The following GOLGA8A variants were observed in gnomAD, a reference collection of about 807,000 sequenced individuals.
GOLGA8A encodes golgin A8 family member A.
Under a neutral mutation model 22.1 loss-of-function variants are expected in GOLGA8A, and 3 were observed. That is an observed-to-expected ratio of 0.14 (90% CI 0.06 to 0.35). The LOEUF (loss-of-function observed/expected upper bound fraction) is 0.35, where lower values mean the gene tolerates loss of function less well. Ranked by LOEUF, GOLGA8A falls within the 10% of genes least tolerant of loss-of-function variation. The pLI is 1.00. For missense variants in GOLGA8A, 16 were observed against 233.2 expected (o/e 0.07, Z 6.07); for synonymous variants, 7 against 91.7 (o/e 0.08, Z 5.28).
intron 2 of GOLGA8A, among the ~76,000 whole-genome samples, chr15:34,427,009 T>C (rs2140281369): frequency 6.8e-6 from 1 of 147,188 alleles, no homozygotes; most frequent in Non-Finnish European, 1.5e-5. Context: ...TATTGGAGAA[T>C]AAAACAAAAT....
At chr15:34,429,115 C>A (rs188501236) in intron 2 of GOLGA8A, among the ~76,000 whole-genome samples, 1 of 145,036 alleles carries the variant, frequency 6.9e-6, no homozygotes, top group Non-Finnish European at 1.5e-5. Context: ...TCTGCTCATA[C>A]CTCCCCACAC....
At chr15:34,435,010 A>G (rs1893434654) in intron 2 of GOLGA8A, among the ~76,000 whole-genome samples, 1 of 149,428 alleles carries the variant, frequency 6.7e-6, no homozygotes, top group African/African-American at 2.5e-5. Flanking sequence ...CTGGGCCTCG[A>G]TCCCCACCGA....
At chr15:34,431,331 A>ACC (rs1566913994) in intron 2 of GOLGA8A, among the ~76,000 whole-genome samples, 1 of 52,940 alleles carries the variant, frequency 1.9e-5, no homozygotes, top group Non-Finnish European at 4.0e-5. Flanking sequence ...ATATATATAT[A>ACC]TATATATATA....
intron 2 of GOLGA8A, among the ~76,000 whole-genome samples, chr15:34,421,917 G>A (rs1456827179): frequency 7.2e-6 from 1 of 137,976 alleles, no homozygotes; most frequent in Non-Finnish European, 1.6e-5. Flanking sequence ...GAACCACAGA[G>A]ACAGGAGGCA....
chr15:34,432,058 A>G (rs1966540), intron 2 of GOLGA8A, among the ~76,000 whole-genome samples: 14,045 of 148,988 alleles, frequency 0.094, 1,755 homozygotes, highest in South Asian at 0.25. Context: ...TCACGACCAA[A>G]CGTCTCTCTG....
In GOLGA8A at chr15:34,437,392, G is replaced by C. The variant is rs938561235; in HGVS notation, c.-1212+6C>G. The C allele has an allele frequency of 7.1e-6, 1 of 141,804 alleles. No individual in the cohort carries two copies. The highest frequency in any genetic ancestry group is 1.6e-5 in the Non-Finnish European group (1 of 64,130). The allele number at this position is 141,804 out of a possible 1,614,324, so 8.8% of individuals were successfully genotyped here. On this transcript the variant is annotated splice_donor_region_variant and intron_variant, in intron 1 of 24. Coordinates refer to ENST00000359187, the MANE Select transcript of GOLGA8A (RefSeq NM_181077.5). ...CGAGTCAGGCAGCCGAGGTTCCCCA[G>C]CTTACCTGGCCAGGGCGCGGGGCTG...
intron 2 of GOLGA8A, among the ~76,000 whole-genome samples, chr15:34,432,719 C>T (rs1182430605): frequency 1.3e-5 from 2 of 148,920 alleles, no homozygotes; most frequent in Non-Finnish European, 3.0e-5. Flanking sequence ...ACCTCAACCA[C>T]GTATTTTTTC....
chr15:34,431,659 T>G (rs1434985221), intron 2 of GOLGA8A, among the ~76,000 whole-genome samples: 2 of 148,426 alleles, frequency 1.3e-5, no homozygotes, highest in East Asian at 3.9e-4. Flanking sequence ...GGTGCCCCTG[T>G]CTAGGGCACT....
In GOLGA8A at chr15:34,379,522, A is replaced by G. The variant is rs1258326195; in HGVS notation, c.*1889T>C. 1 of 152,662 alleles carries G rather than the reference A, an allele frequency of 6.6e-6. No homozygotes were observed. Among genetic ancestry groups the G allele is most frequent in the Non-Finnish European group, 1.5e-5 (1 of 68,042 alleles). 9.5% of individuals were successfully genotyped at this position (152,662 alleles called of 1,614,324 possible). A position where few individuals can be genotyped will look rare whatever the true frequency, so the allele number is the denominator to read the frequency against. On this transcript the variant is annotated 3_prime_UTR_variant, in exon 25 of 25. Transcript: ENST00000359187. The stretch of plus-strand genomic sequence containing the variant: ...CATACAATTTGGAAGAGTCAGTTGA[A>G]GTTACAAGGACCCAATATCTGCCCT...
At chr15:34,418,804 G>T in intron 2 of GOLGA8A, 1 of 147,330 alleles carries the variant, frequency 6.8e-6, no homozygotes, top group Non-Finnish European at 1.5e-5. Context: ...TGGGTGGCAG[G>T]GGCTACGGAG....
Position 34,380,847 on chromosome 15 carries a change from T to C in GOLGA8A, c.*564A>G, listed in dbSNP as rs1233902705. 1 of 190,160 alleles carries C rather than the reference T, an allele frequency of 5.3e-6. No homozygotes were observed. The highest frequency in any genetic ancestry group is 1.1e-5 in the Non-Finnish European group (1 of 90,604). 11.8% of individuals were successfully genotyped at this position (190,160 alleles called of 1,614,324 possible). The stretch of plus-strand genomic sequence containing the variant: ...TACACAGAAAATGGAGGAAAGGCTG[T>C]TTCCAGTTCTCGGCCTTTAAACAGC... On this transcript the variant is annotated 3_prime_UTR_variant, in exon 25 of 25. Coordinates refer to ENST00000359187, the MANE Select transcript of GOLGA8A (RefSeq NM_181077.5).
intron 2 of GOLGA8A, among the ~76,000 whole-genome samples, chr15:34,431,237 T>A (rs1473250028): frequency 2.8e-5 from 4 of 142,552 alleles, no homozygotes; most frequent in Non-Finnish European, 4.6e-5. Flanking sequence ...TATTTAGAGC[T>A]GCCTTGCTGG....
rs1891405558 is a variant in GOLGA8A, at chr15:34,380,081, T to A, written c.*1330A>T. Reference sequence around the variant, plus strand: ...TTGATTTTCAAAGATAATATAATACTGTCTACTAAAATTCCTTTTTGTTTC... The same window carrying A: ...TTGATTTTCAAAGATAATATAATACAGTCTACTAAAATTCCTTTTTGTTTC... On this transcript the variant is annotated 3_prime_UTR_variant, in exon 25 of 25. Transcript: ENST00000359187. 1 of 152,588 alleles carries A rather than the reference T, an allele frequency of 6.6e-6. No individual in the cohort carries two copies. Among genetic ancestry groups the A allele is most frequent in the African/African-American group, 2.4e-5 (1 of 41,464 alleles). 9.5% of individuals were successfully genotyped at this position (152,588 alleles called of 1,614,324 possible). A position where few individuals can be genotyped will look rare whatever the true frequency, so the allele number is the denominator to read the frequency against.
intron 8 of GOLGA8A, among the ~76,000 whole-genome samples, chr15:34,398,175 G>A (rs1022609229): frequency 3.5e-5 from 5 of 142,858 alleles, no homozygotes; most frequent in African/African-American, 7.6e-5. Context: ...TTAAGCCTGC[G>A]TTTCATGGTA....
At chr15:34,381,908 GCCCACCCCA>G (rs1891545061) in intron 23 of GOLGA8A, 51 bp downstream of exon 23, 3 of 460,134 alleles carry the variant, frequency 6.5e-6, no homozygotes, top group Middle Eastern at 5.1e-4. Flanking sequence ...CCACCCTCAT[GCCCACCCCA>G]CCCACACCCC....
At position 34,383,947 on chromosome 15, in the gene GOLGA8A, CT is replaced by C. The variant is rs1181223947; in HGVS notation, c.654+13del. The C allele has an allele frequency of 4.1e-6, 2 of 483,402 alleles. No homozygotes were observed. Among genetic ancestry groups the C allele is most frequent in the Admixed American group, 4.1e-5 (1 of 24,580 alleles). The allele number at this position is 483,402 out of a possible 1,614,324, so 29.9% of individuals were successfully genotyped here. A position where few individuals can be genotyped will look rare whatever the true frequency, so the allele number is the denominator to read the frequency against. On this transcript the variant is annotated intron_variant, in intron 17 of 24. Transcript: ENST00000359187. Reference sequence around the variant, plus strand: ...TCATCTTCCTTCCACATCCCTCCCTCTGCAAAACCTCACCTGTGTCACGTGT... The same window carrying C: ...TCATCTTCCTTCCACATCCCTCCCTCGCAAAACCTCACCTGTGTCACGTGT...
chr15:34,426,943 C>G (rs1893008395), intron 2 of GOLGA8A, among the ~76,000 whole-genome samples: 1 of 145,370 alleles, frequency 6.9e-6, no homozygotes, highest in Non-Finnish European at 1.5e-5. Context: ...GTGGGGAGCA[C>G]TGCCCCTCAG....
At chr15:34,434,587 C>T (rs8037431) in intron 2 of GOLGA8A, among the ~76,000 whole-genome samples, 6,402 of 148,440 alleles carry the variant, frequency 0.043, 830 homozygotes, top group African/African-American at 0.15. Context: ...CCAACCCAGG[C>T]GGTGGGCAGC....
chr15:34,418,435 ATTGTT>A (rs1052549575), intron 2 of GOLGA8A: 1 of 143,112 alleles, frequency 7.0e-6, no homozygotes, highest in Admixed American at 7.4e-5. Context: ...TATGGTCTTG[ATTGTT>A]TTACAAGATT....
Sources: gnomAD v4.1 joint callset for allele counts (sites outside exome capture counted in the v4.1 genomes callset) on GRCh38, gnomAD v4.1.1 for gene constraint, MANE v1.5 for transcripts, NCBI Gene and HGNC (gene_info 2026-07-23, HGNC 2026-07-21) for gene names.